The following ADCY9 variants were observed in gnomAD, a reference collection of about 807,000 sequenced individuals.
ADCY9 encodes adenylate cyclase 9.
Under a neutral mutation model 101.5 loss-of-function variants are expected in ADCY9, and 50 were observed. The ratio of observed to expected loss-of-function variants is 0.49; its 90% CI spans 0.39 to 0.62. ADCY9 has a LOEUF of 0.62. Among genes scored for constraint, ADCY9 ranks in the 20% least tolerant of loss-of-function variants. The probability of loss-of-function intolerance (pLI) is 0.00; values close to 1 mark genes in which losing one functional copy is unlikely to be tolerated. For missense variants in ADCY9, 1,662 were observed against 1,800.4 expected (o/e 0.92, Z 1.39); for synonymous variants, 905 against 769.3 (o/e 1.18, Z -2.92).
At chr16:4,111,185 C>T (rs2057111442) in intron 2 of ADCY9, among the ~76,000 whole-genome samples, 1 of 152,206 alleles carries the variant, frequency 6.6e-6, no homozygotes, top group South Asian at 2.1e-4. Context: ...TATGGATGCC[C>T]ATTCCTGCAG....
At chr16:3,972,011 C>T (rs773146083) in intron 10 of ADCY9, among the ~76,000 whole-genome samples, 3 of 152,172 alleles carry the variant, frequency 2.0e-5, no homozygotes, top group Non-Finnish European at 4.4e-5. Context: ...TGCTTTCCAC[C>T]TTTGCTTCCA....
intron 2 of ADCY9, among the ~76,000 whole-genome samples, chr16:4,094,619 C>T (rs991550150): frequency 6.6e-6 from 1 of 151,766 alleles, no homozygotes; most frequent in African/African-American, 2.4e-5. Context: ...CAGCAAGACC[C>T]CCATCTCTAA....
At chr16:4,072,743 A>G (rs1407313408) in intron 2 of ADCY9, among the ~76,000 whole-genome samples, 1 of 152,234 alleles carries the variant, frequency 6.6e-6, no homozygotes. Context: ...GAGGACTCCA[A>G]AAAAGAGAAA....
chr16:4,057,038 G>GCCCC (rs375745334), intron 2 of ADCY9, among the ~76,000 whole-genome samples: 1 of 83,514 alleles, frequency 1.2e-5, no homozygotes, highest in Admixed American at 1.3e-4. Context: ...TGATGAAACC[G>GCCCC]CCCCCCCCCC....
chr16:4,081,986 G>T (rs1164029525), intron 2 of ADCY9, among the ~76,000 whole-genome samples: 1 of 152,068 alleles, frequency 6.6e-6, no homozygotes, highest in East Asian at 1.9e-4. Context: ...AGGCCAAGCT[G>T]GAGAACTGAA....
intron 2 of ADCY9, among the ~76,000 whole-genome samples, chr16:4,020,780 C>A (rs947077237): frequency 6.0e-5 from 9 of 150,318 alleles, no homozygotes; most frequent in African/African-American, 2.0e-4. Flanking sequence ...GAGCTAAGAT[C>A]GCGCCACTGC....
At chr16:4,007,184 G>T (rs1211474666) in intron 3 of ADCY9, among the ~76,000 whole-genome samples, 184 bp downstream of exon 3, 1 of 152,120 alleles carries the variant, frequency 6.6e-6, no homozygotes, top group Non-Finnish European at 1.5e-5. Flanking sequence ...ATGTCAAAAA[G>T]CAAGGATGTT....
intron 2 of ADCY9, among the ~76,000 whole-genome samples, chr16:4,069,217 G>A (rs923262317): frequency 2.0e-5 from 3 of 151,754 alleles, no homozygotes; most frequent in Non-Finnish European, 2.9e-5. Context: ...TCATCTTTAC[G>A]AATCAAAGAG....
chr16:4,074,650 G>A (rs1358488043), intron 2 of ADCY9, among the ~76,000 whole-genome samples: 127 of 141,298 alleles, frequency 9.0e-4, no homozygotes, highest in East Asian at 4.3e-4. Flanking sequence ...CCAGGAGGTC[G>A]AGGCTTCAGT....
chr16:4,025,007 G>C (rs1455077846), intron 2 of ADCY9, among the ~76,000 whole-genome samples: 1 of 151,934 alleles, frequency 6.6e-6, no homozygotes, highest in Non-Finnish European at 1.5e-5. Flanking sequence ...AGCAGCCTTG[G>C]AGCTGCAATG....
Position 3,983,333 on chromosome 16 carries a change from G to A in ADCY9, c.2418C>T (p.Phe806=), listed in dbSNP as rs1447258960. The A allele has an allele frequency of 1.3e-6, 2 of 1,588,142 alleles. No homozygotes were observed. The highest frequency in any genetic ancestry group is 1.7e-6 in the Non-Finnish European group (2 of 1,167,482). Residue 806 remains phenylalanine, a synonymous_variant, in exon 7 of 11, where the codon TTC becomes TTT. Transcript: ENST00000294016. ...TVFLTLSTTC[F]LKYEAATVPP... is the part of the protein sequence containing the mutation. ...GCACGGTGGCCGCCTCGTACTTCAG[G>A]AAGCAGGTGGTGGACAGCGTCAGAA...
intron 2 of ADCY9, among the ~76,000 whole-genome samples, chr16:4,049,306 G>A (rs1031506049): frequency 1.3e-5 from 2 of 152,076 alleles, no homozygotes; most frequent in Admixed American, 6.6e-5. Context: ...TGAAGGCTTC[G>A]TCTCTGCAGT....
At chr16:4,079,692 T>G (rs1232886817) in intron 2 of ADCY9, among the ~76,000 whole-genome samples, 1 of 152,232 alleles carries the variant, frequency 6.6e-6, no homozygotes, top group South Asian at 2.1e-4. Context: ...TGGTGTTTAA[T>G]GGTGTTAATG....
Position 3,956,488 on chromosome 16 carries a change from C to CTTTTTTTTTTTTTTTTTTTT in ADCY9, c.568-2973_568-2972insAAAAAAAAAAAAAAAAAAAA, listed in dbSNP as rs1555504577. 8.7e-5 allele frequency among the ~76,000 whole-genome samples: 6 copies of CTTTTTTTTTTTTTTTTTTTT among 68,762 alleles called. 1 individual carries two copies. In the South Asian group the frequency reaches 2.4e-3, roughly 27 times the overall value. The allele number at this position is 68,762 out of a possible 152,430, so 45.1% of individuals were successfully genotyped here. On this transcript the variant is annotated intron_variant, in intron 5 of 5. Transcript: ENST00000576936. ...AAGGACAAGACACCAGCGCAATGAG[C>CTTTTTTTTTTTTTTTTTTTT]TTTTTTTTTTTTTTTGGGGGGGGAT...
intron 3 of ADCY9, among the ~76,000 whole-genome samples, chr16:4,005,691 C>T (rs1214308431): frequency 6.6e-6 from 1 of 151,632 alleles, no homozygotes; most frequent in African/African-American, 2.4e-5. Flanking sequence ...TTGCTAAAAC[C>T]GTGGTCACTA....
chr16:4,068,678 A>G (rs897829163), intron 2 of ADCY9, among the ~76,000 whole-genome samples: 3 of 151,966 alleles, frequency 2.0e-5, no homozygotes, highest in South Asian at 4.2e-4. Flanking sequence ...TTAGCTGGGC[A>G]TGGTGGCGGG....
chr16:4,100,454 C>A (rs1479922026), intron 2 of ADCY9, among the ~76,000 whole-genome samples: 1 of 152,040 alleles, frequency 6.6e-6, no homozygotes, highest in African/African-American at 2.4e-5. Context: ...CTCAGCCTCC[C>A]AAGTAGCTGA....
At chr16:3,978,182 T>C (rs2056109515) in intron 8 of ADCY9, among the ~76,000 whole-genome samples, 1 of 152,206 alleles carries the variant, frequency 6.6e-6, no homozygotes, top group Non-Finnish European at 1.5e-5. Flanking sequence ...CACACTCTTC[T>C]GCAGGTGTGG....
chr16:4,059,286 CAGG>C (rs1336604825), intron 2 of ADCY9, among the ~76,000 whole-genome samples: 1 of 146,580 alleles, frequency 6.8e-6, no homozygotes, highest in Non-Finnish European at 1.5e-5. Context: ...GAGGCTGAGG[CAGG>C]AGAAGTGCTA....
Sources: allele counts gnomAD v4.1 joint callset (sites outside exome capture counted in the v4.1 genomes callset), GRCh38; gene constraint gnomAD v4.1.1; transcripts MANE v1.5; gene names NCBI Gene and HGNC (gene_info 2026-07-23, HGNC 2026-07-21).